Variants in ANKRD45 observed in about 807,000 individuals in gnomAD.
ANKRD45 encodes the protein ankyrin repeat domain 45.
In ANKRD45, 21 loss-of-function variants were observed where a neutral mutation model predicts 28.1. The observed-to-expected ratio is 0.75, with a 90% CI of 0.53 to 1.08. The LOEUF (loss-of-function observed/expected upper bound fraction) is 1.08, where lower values mean the gene tolerates loss of function less well. ANKRD45 is among the 50% of genes least tolerant of loss of function. The probability of loss-of-function intolerance (pLI) is 0.00; values close to 1 mark genes in which losing one functional copy is unlikely to be tolerated. For missense variants in ANKRD45, 261 were observed against 308.7 expected, an observed-to-expected ratio of 0.85 and a Z score of 1.16; for synonymous variants, 86 against 103.9, an observed-to-expected ratio of 0.83 and a Z score of 1.05.
chr1:173,637,440 C>T (rs1400086373), intron 3 of ANKRD45, among the ~76,000 whole-genome samples: 2 of 152,202 alleles, frequency 1.3e-5, no homozygotes, highest in African/African-American at 2.4e-5. Flanking sequence ...TAGGTATTTG[C>T]CCTGGCATGC....
chr1:173,656,722 C>T (rs1669534648), intron 2 of ANKRD45, among the ~76,000 whole-genome samples: 2 of 152,218 alleles, frequency 1.3e-5, no homozygotes, highest in East Asian at 1.9e-4. Context: ...TCTTACTGCT[C>T]TTGCTGGAAC....
At chr1:173,634,055 C>T (rs1668307498) in intron 3 of ANKRD45, among the ~76,000 whole-genome samples, 1 of 151,878 alleles carries the variant, frequency 6.6e-6, no homozygotes, top group South Asian at 2.1e-4. Context: ...AGGCAACCCA[C>T]AGAATGGAAT....
At chr1:173,671,642 G>A (rs148737822), upstream of ANKRD45, among the ~76,000 whole-genome samples, 912 of 151,944 alleles carry the variant, frequency 6.0e-3, 6 homozygotes, top group Middle Eastern at 0.01. Flanking sequence ...AGGCCAAGGC[G>A]GGCGGATCAT....
chr1:173,625,358 G>A (rs1259257138), intron 4 of ANKRD45, among the ~76,000 whole-genome samples: 1 of 152,066 alleles, frequency 6.6e-6, no homozygotes, highest in Non-Finnish European at 1.5e-5. Context: ...TGGGTGGATG[G>A]TATGAGTTGC....
the ANKRD45 span, among the ~76,000 whole-genome samples, chr1:173,691,899 C>G: frequency 2.6e-5 from 4 of 152,230 alleles, no homozygotes; most frequent in Admixed American, 1.3e-4. Context: ...CACATGGCCC[C>G]TGCTGCTGTG....
intron 5 of ANKRD45, among the ~76,000 whole-genome samples, chr1:173,613,559 TCAGCCCCCCCCCCGGC>T (rs1330028806): frequency 3.3e-5 from 3 of 91,522 alleles, no homozygotes; most frequent in African/African-American, 2.1e-4. Flanking sequence ...AGGTGGGGGG[TCAGCCCCCCCCCCGGC>T]CAGCCGCCCC....
chr1:173,690,986 C>T, the ANKRD45 span, among the ~76,000 whole-genome samples: 2 of 152,186 alleles, frequency 1.3e-5, no homozygotes, highest in African/African-American at 4.8e-5. Flanking sequence ...AAATTTCTCA[C>T]CTTTTCTACT....
intron 1 of ANKRD45, among the ~76,000 whole-genome samples, chr1:173,665,837 C>T (rs1162236609): frequency 6.6e-6 from 1 of 151,776 alleles, no homozygotes; most frequent in African/African-American, 2.4e-5. Flanking sequence ...AGCGAAACCC[C>T]ATCTCTACAA....
At chr1:173,630,752 AG>A in intron 3 of ANKRD45, among the ~76,000 whole-genome samples, 1 of 142,398 alleles carries the variant, frequency 7.0e-6, no homozygotes, top group Non-Finnish European at 1.5e-5. Context: ...GCCAGGAGGC[AG>A]AGGTTGCAGT....
At chr1:173,637,836 C>T (rs1485661510) in intron 3 of ANKRD45, among the ~76,000 whole-genome samples, 3 of 152,156 alleles carry the variant, frequency 2.0e-5, no homozygotes, top group Non-Finnish European at 2.9e-5. Flanking sequence ...TTTGGTGGCC[C>T]GTAGGGGATT....
the ANKRD45 span, among the ~76,000 whole-genome samples, chr1:173,694,810 C>A: frequency 4.2e-4 from 64 of 152,144 alleles, no homozygotes; most frequent in East Asian, 0.01. Context: ...TGCGAACCTG[C>A]AGTATTTGGT....
intron 1 of ANKRD45, 91 bp downstream of exon 1, chr1:173,669,726 G>A (rs1670182891): frequency 7.0e-6 from 2 of 286,328 alleles, no homozygotes; most frequent in Non-Finnish European, 7.4e-6. Context: ...AGCCCTGCCC[G>A]AGCAGCCTGG....
the ANKRD45 span, among the ~76,000 whole-genome samples, chr1:173,682,770 CT>C: frequency 1.3e-5 from 2 of 150,784 alleles, no homozygotes; most frequent in Non-Finnish European, 2.9e-5. Context: ...TATTGAGCTC[CT>C]TTTAAAAAAA....
At chr1:173,694,534 T>TTTATTA in the ANKRD45 span, among the ~76,000 whole-genome samples, 15,450 of 143,988 alleles carry the variant, frequency 0.11, 881 homozygotes, top group Middle Eastern at 0.19. Context: ...ACTTAAGAAG[T>TTTATTA]TTATTATTAT....
At chr1:173,610,763 C>T (rs1667109282) in intron 5 of ANKRD45, among the ~76,000 whole-genome samples, 1 of 151,578 alleles carries the variant, frequency 6.6e-6, no homozygotes. Context: ...TCAAGTTCAG[C>T]CTGGGTAACA....
intron 3 of ANKRD45, among the ~76,000 whole-genome samples, chr1:173,646,563 A>C (rs563740066): frequency 1.3e-5 from 2 of 152,218 alleles, no homozygotes; most frequent in Non-Finnish European, 2.9e-5. Flanking sequence ...TATTGAACAT[A>C]CAATAATCTT....
At chr1:173,708,107 G>A in the ANKRD45 span, among the ~76,000 whole-genome samples, 1 of 152,114 alleles carries the variant, frequency 6.6e-6, no homozygotes, top group Non-Finnish European at 1.5e-5. Context: ...TCTATTTTTA[G>A]AGTAAGAGTA....
At chr1:173,611,576 T>TACACAC (rs57884253) in intron 5 of ANKRD45, among the ~76,000 whole-genome samples, 193 of 133,988 alleles carry the variant, frequency 1.4e-3, no homozygotes, top group South Asian at 4.7e-3. Context: ...AATACATACA[T>TACACAC]ACACACACAC....
upstream of ANKRD45, among the ~76,000 whole-genome samples, chr1:173,673,360 G>A (rs375560777): frequency 7.9e-5 from 12 of 151,954 alleles, no homozygotes; most frequent in East Asian, 3.9e-4. Flanking sequence ...TGATCCACCC[G>A]CCTTGGCTTC....
Sources: gnomAD v4.1 joint callset for allele counts (sites outside exome capture counted in the v4.1 genomes callset) on GRCh38, gnomAD v4.1.1 for gene constraint, MANE v1.5 for transcripts, NCBI Gene and HGNC (gene_info 2026-07-23, HGNC 2026-07-21) for gene names.